The following UBP1 variants were observed in gnomAD, a reference collection of about 807,000 sequenced individuals.
The protein encoded by UBP1 is upstream binding protein 1.
In UBP1, 22 loss-of-function variants were observed where a neutral mutation model predicts 76.1. The observed-to-expected ratio is 0.29, with a 90% confidence interval of 0.21 to 0.41. The LOEUF (loss-of-function observed/expected upper bound fraction) is 0.41. Ranked by LOEUF, UBP1 falls within the 10% of genes least tolerant of loss-of-function variation. The probability of loss-of-function intolerance (pLI) is 1.00; values close to 1 mark genes in which losing one functional copy is unlikely to be tolerated. For missense variants in UBP1, 436 were observed against 668.1 expected, an observed-to-expected ratio of 0.65 and a Z score of 3.83; for synonymous variants, 224 against 237.1, an observed-to-expected ratio of 0.94 and a Z score of 0.51.
chr3:33,409,153 C>CT, intron 7 of UBP1, 83 bp downstream of exon 7: 1 of 1,348,120 alleles, frequency 7.4e-7, no homozygotes, highest in East Asian at 2.3e-5. Context: ...TTCCCCAACC[C>CT]TTTTGTAGCA....
chr3:33,403,648 ACTT>A (rs1342086310), intron 8 of UBP1: 1 of 151,782 alleles, frequency 6.6e-6, no homozygotes, highest in Non-Finnish European at 1.5e-5. Context: ...GTTATGGTGA[ACTT>A]TAATATTTTT....
intron 1 of UBP1, among the ~76,000 whole-genome samples, chr3:33,434,873 G>A (rs1435075154): frequency 1.3e-5 from 2 of 151,846 alleles, no homozygotes; most frequent in Admixed American, 6.6e-5. Context: ...TTTTAGTAGA[G>A]ACGGGGTTTC....
chr3:33,396,718 G>A (rs543400108), intron 12 of UBP1: 260 of 529,244 alleles, frequency 4.9e-4, no homozygotes, highest in Admixed American at 7.4e-4. Flanking sequence ...TCATGACCTT[G>A]AAAACCATAG....
chr3:33,411,483 A>T (rs2044581452), intron 5 of UBP1, 98 bp downstream of exon 5: 1 of 1,018,936 alleles, frequency 9.8e-7, no homozygotes, highest in Non-Finnish European at 1.5e-6. Context: ...TAGTTTATAA[A>T]TAGACATTTA....
chr3:33,416,954 T>C (rs540529612), intron 2 of UBP1, 120 bp from the exon 3 acceptor site: 2 of 825,942 alleles, frequency 2.4e-6, no homozygotes, highest in East Asian at 5.6e-5. Context: ...GTTAATTTGC[T>C]ACGGAAGCAA....
rs1477981899 is a variant in UBP1, at chr3:33,389,136, T to C, written c.*1195A>G. ...AACAGTGGATTCCCTTTGAAAAGTA[T>C]GCTAGCAGACAAGCATTTGGTTTTA... is the stretch of plus-strand genomic sequence containing the variant. On this transcript the variant is annotated 3_prime_UTR_variant, in exon 16 of 16. Transcript: ENST00000283629. 1 of 152,654 alleles carries C rather than the reference T, an allele frequency of 6.6e-6. No homozygotes were observed. The highest frequency in any genetic ancestry group is 1.5e-5 in the Non-Finnish European group (1 of 68,042). 9.5% of individuals were successfully genotyped at this position (152,654 alleles called of 1,614,324 possible).
chr3:33,393,801 A>C (rs1225586916), intron 13 of UBP1, among the ~76,000 whole-genome samples: 1 of 152,176 alleles, frequency 6.6e-6, no homozygotes, highest in East Asian at 1.9e-4. Context: ...ATTGGCTGCA[A>C]ATGGACATGG....
intron 2 of UBP1, among the ~76,000 whole-genome samples, chr3:33,418,925 G>A (rs2044809629): frequency 6.8e-6 from 1 of 146,656 alleles, no homozygotes; most frequent in Non-Finnish European, 1.5e-5. Context: ...AAAAAAATGA[G>A]CAAATGAAAT....
intron 13 of UBP1, among the ~76,000 whole-genome samples, chr3:33,395,731 A>G (rs2043954301): frequency 7.2e-6 from 1 of 139,472 alleles, no homozygotes. Context: ...AGTTCTCCCC[A>G]TACCTAGTCA....
At chr3:33,395,472 G>T (rs2043939632) in intron 13 of UBP1, among the ~76,000 whole-genome samples, 1 of 151,902 alleles carries the variant, frequency 6.6e-6, no homozygotes, top group African/African-American at 2.4e-5. Context: ...GCCATATTTA[G>T]AGGTGAGAAG....
chr3:33,429,035 C>T (rs2045068262), intron 1 of UBP1, among the ~76,000 whole-genome samples: 1 of 152,182 alleles, frequency 6.6e-6, no homozygotes, highest in South Asian at 2.1e-4. Flanking sequence ...GCTCTTACCA[C>T]TTTCCAAAAA....
intron 1 of UBP1, among the ~76,000 whole-genome samples, chr3:33,432,991 A>G (rs1039493705): frequency 2.6e-5 from 4 of 152,172 alleles, no homozygotes; most frequent in Non-Finnish European, 5.9e-5. Context: ...TGAATACATG[A>G]ATGAGTAATA....
chr3:33,439,629 A>T, intron 1 of UBP1, 107 bp downstream of exon 1: 1 of 1,256,096 alleles, frequency 8.0e-7, no homozygotes, highest in Non-Finnish European at 1.1e-6. Flanking sequence ...CCCGCAGCCC[A>T]GGAGGCCCGC....
chr3:33,407,616 A>G (rs191397951), intron 8 of UBP1, among the ~76,000 whole-genome samples: 101 of 152,248 alleles, frequency 6.6e-4, no homozygotes, highest in African/African-American at 2.3e-3. Flanking sequence ...GGATGAGTAC[A>G]ATTTCAGTTT....
intron 14 of UBP1, chr3:33,392,839 T>C (rs2043823341): frequency 6.6e-6 from 3 of 453,728 alleles, no homozygotes; most frequent in South Asian, 4.9e-5. Flanking sequence ...CAGTCACCCA[T>C]GTGACCCACA....
chr3:33,431,666 G>A (rs2045114580), intron 1 of UBP1, among the ~76,000 whole-genome samples: 1 of 151,748 alleles, frequency 6.6e-6, no homozygotes, highest in Admixed American at 6.6e-5. Context: ...CTTGAATCTG[G>A]AAGGCAGAGG....
intron 4 of UBP1, among the ~76,000 whole-genome samples, chr3:33,412,451 C>T (rs551767541): frequency 2.0e-5 from 3 of 151,842 alleles, no homozygotes; most frequent in South Asian, 2.1e-4. Context: ...GGCATGGTGG[C>T]GCGCACCTGC....
chr3:33,393,384 A>C lies in UBP1; in HGVS notation c.1461T>G (p.Asn487Lys). Residue 487 changes from asparagine (N) to lysine (K), a missense_variant, in exon 14 of 16, where the codon AAT becomes AAG. By Grantham distance (94) the Asn-to-Lys change is moderately conservative. This residue lies in a region of UBP1 where 210 missense variants were observed against 272.8 expected (regional missense o/e 0.77). Coordinates refer to ENST00000283629, the MANE Select transcript of UBP1 (RefSeq NM_014517.5). ...CCTGATTAATTTGGTGGAGAGGGAT[A>C]TTAAACACCAGCGCAAGTTTTCGAG... ...EVARKLALVF[N>K]IPLHQINQVY... 6.2e-7 allele frequency: 1 copy of C among 1,613,762 alleles called. No individual in the cohort carries two copies. Among genetic ancestry groups the C allele is most frequent in the Non-Finnish European group, 8.5e-7 (1 of 1,179,772 alleles).
chr3:33,439,586 T>C (rs902497437), intron 1 of UBP1, 150 bp downstream of exon 1: 41 of 816,748 alleles, frequency 5.0e-5, no homozygotes, highest in African/African-American at 9.0e-5. Context: ...TGGGGTTCCA[T>C]GGCCCCCGAC....
Sources: allele counts gnomAD v4.1 joint callset (sites outside exome capture counted in the v4.1 genomes callset), GRCh38; gene constraint gnomAD v4.1.1; regional missense constraint gnomAD v4.1.1; transcripts MANE v1.5; gene names NCBI Gene and HGNC (gene_info 2026-07-23, HGNC 2026-07-21).